The following PRUNE2 variants were observed in gnomAD, a reference collection of about 807,000 sequenced individuals.
The protein encoded by PRUNE2 is prune homolog 2 with BCH domain.
A neutral mutation model predicts 252.0 loss-of-function variants in PRUNE2; 164 were observed. The ratio of observed to expected loss-of-function variants is 0.65; its 90% CI spans 0.57 to 0.74. The LOEUF is 0.74. Ranked by LOEUF, PRUNE2 falls within the 30% of genes least tolerant of loss-of-function variation. PRUNE2 has a pLI of 0.00. For synonymous variants in PRUNE2, 1,292 were observed against 1,350.2 expected, an observed-to-expected ratio of 0.96 and a Z score of 0.94; for missense variants, 3,495 against 3,711.0, an observed-to-expected ratio of 0.94 and a Z score of 1.51.
intron 6 of PRUNE2, chr9:76,788,372 T>G (rs1379141981): frequency 1.2e-5 from 9 of 751,398 alleles, no homozygotes; most frequent in Non-Finnish European, 2.2e-5. Context: ...TTATATATAC[T>G]GGACATTAAA....
chr9:76,755,424 G>A (rs559022113), intron 6 of PRUNE2, among the ~76,000 whole-genome samples: 1 of 150,156 alleles, frequency 6.7e-6, no homozygotes, highest in Non-Finnish European at 1.5e-5. Flanking sequence ...TGAACACCAT[G>A]TGCCACTCTG....
At chr9:76,635,698 G>T (rs1839771606) in intron 15 of PRUNE2, among the ~76,000 whole-genome samples, 1 of 152,066 alleles carries the variant, frequency 6.6e-6, no homozygotes, top group African/African-American at 2.4e-5. Flanking sequence ...AAAGTTATCA[G>T]AATTTTTAAA....
intron 6 of PRUNE2, among the ~76,000 whole-genome samples, chr9:76,822,603 T>C (rs376499614): frequency 1.1e-4 from 17 of 151,856 alleles, no homozygotes; most frequent in African/African-American, 4.1e-4. Context: ...AGGTCAGGAG[T>C]TCAAGACCAG....
chr9:76,878,339 GA>G (rs1017032056), intron 1 of PRUNE2, among the ~76,000 whole-genome samples: 4 of 152,222 alleles, frequency 2.6e-5, no homozygotes, highest in African/African-American at 9.6e-5. Context: ...TCATGAGCAA[GA>G]AGGTGAACCA....
Position 76,710,149 on chromosome 9 carries a change from C to T in PRUNE2, c.2125G>A (p.Glu709Lys), listed in dbSNP as rs201962340. The change falls in exon 8 of 19, where the codon GAA (glutamate) becomes AAA (lysine). Residue 709 changes from glutamate to lysine, a missense_variant. By Grantham distance (56) the Glu-to-Lys change is moderately conservative (BLOSUM62 1). Transcript: ENST00000376718. ...SDSVFQPKSLEFTKSGPWESE... is the reference protein window; with the variant it reads ...SDSVFQPKSLKFTKSGPWESE... ...TCCCAGGGACCTGACTTTGTAAATTCGAGGCTCTTTGGTTGAAATACAGAA... is the reference window on the plus strand; with the variant it reads ...TCCCAGGGACCTGACTTTGTAAATTTGAGGCTCTTTGGTTGAAATACAGAA... 165 of 1,613,822 alleles carry T rather than the reference C, an allele frequency of 1.0e-4. No individual in the cohort carries two copies. In the African/African-American group the frequency reaches 1.7e-3, roughly 17 times the overall value.
At chr9:76,648,907 C>G (rs1243522504) in intron 11 of PRUNE2, among the ~76,000 whole-genome samples, 1 of 152,194 alleles carries the variant, frequency 6.6e-6, no homozygotes, top group Non-Finnish European at 1.5e-5. Context: ...AAATATACCA[C>G]ACAAAGACTT....
chr9:76,841,033 A>T (rs2059361260), intron 4 of PRUNE2, among the ~76,000 whole-genome samples: 1 of 151,848 alleles, frequency 6.6e-6, no homozygotes, highest in African/African-American at 2.4e-5. Context: ...ATCAAATAGG[A>T]ACAGCTCCGG....
At position 76,638,294 on chromosome 9, in the gene PRUNE2, G is replaced by A. The variant is rs771370437; in HGVS notation, c.8729-6C>T. ...TAGACCGTCCCCATAGTATCCTGGGGGACAAACAAAAAGACACTTGTAACC... is the reference window on the plus strand; with the variant it reads ...TAGACCGTCCCCATAGTATCCTGGGAGACAAACAAAAAGACACTTGTAACC... On this transcript the variant is annotated splice_polypyrimidine_tract_variant and splice_region_variant and intron_variant, in intron 12 of 18. Transcript: ENST00000376718. 3.7e-6 allele frequency: 6 copies of A among 1,604,228 alleles called. No individual in the cohort carries two copies. Among genetic ancestry groups the A allele is most frequent in the East Asian group, 2.2e-5 (1 of 44,776 alleles).
intron 15 of PRUNE2, among the ~76,000 whole-genome samples, chr9:76,633,416 C>T (rs1451129810): frequency 6.6e-6 from 1 of 150,984 alleles, no homozygotes; most frequent in Non-Finnish European, 1.5e-5. Flanking sequence ...CCTGTCTCTG[C>T]CAAAAATACA....
intron 6 of PRUNE2, among the ~76,000 whole-genome samples, chr9:76,730,973 T>C (rs981109254): frequency 6.6e-6 from 1 of 152,124 alleles, no homozygotes; most frequent in Non-Finnish European, 1.5e-5. Flanking sequence ...ATCTCTCTTT[T>C]GCAAAATGCG....
intron 4 of PRUNE2, among the ~76,000 whole-genome samples, chr9:76,845,720 T>C (rs564564271): frequency 6.6e-6 from 1 of 152,354 alleles, no homozygotes; most frequent in Non-Finnish European, 1.5e-5. Context: ...TTCACTTTCC[T>C]GTGTTAAATA....
intron 15 of PRUNE2, among the ~76,000 whole-genome samples, chr9:76,631,823 A>G (rs1280211965): frequency 6.6e-6 from 1 of 152,052 alleles, no homozygotes; most frequent in East Asian, 1.9e-4. Context: ...ACTGTCCTCC[A>G]CCCTCCACCC....
intron 16 of PRUNE2, 79 bp from the exon 17 acceptor site, chr9:76,624,569 C>T (rs1833859065): frequency 1.1e-5 from 12 of 1,049,604 alleles, no homozygotes; most frequent in East Asian, 5.8e-5. Context: ...CTCAGCAAAG[C>T]AGGGCCAAAT....
intron 6 of PRUNE2, among the ~76,000 whole-genome samples, chr9:76,760,840 C>A (rs567370900): frequency 6.6e-6 from 1 of 152,264 alleles, no homozygotes; most frequent in South Asian, 2.1e-4. Flanking sequence ...AATCCCAGCA[C>A]TTTGGGAGGT....
At chr9:76,620,235 G>T (rs1194453940) in intron 17 of PRUNE2, among the ~76,000 whole-genome samples, 1 of 151,288 alleles carries the variant, frequency 6.6e-6, no homozygotes, top group African/African-American at 2.4e-5. Flanking sequence ...TGCCTCTCAG[G>T]TTCAAGCGAT....
chr9:76,756,209 T>C (rs966071536), intron 6 of PRUNE2, among the ~76,000 whole-genome samples: 1 of 152,242 alleles, frequency 6.6e-6, no homozygotes, highest in African/African-American at 2.4e-5. Flanking sequence ...TAAGTGCATA[T>C]GTCAAAAGGA....
At chr9:76,763,485 T>C (rs895311171) in intron 6 of PRUNE2, among the ~76,000 whole-genome samples, 8 of 152,190 alleles carry the variant, frequency 5.3e-5, no homozygotes, top group Admixed American at 1.3e-4. Flanking sequence ...GGAGAAAACA[T>C]ACTCGTAATA....
At chr9:76,639,087 G>A (rs1017738078) in intron 12 of PRUNE2, among the ~76,000 whole-genome samples, 2 of 152,176 alleles carry the variant, frequency 1.3e-5, no homozygotes, top group African/African-American at 4.8e-5. Flanking sequence ...TGATTCTACA[G>A]TCCAGAGCTA....
At chr9:76,665,745 TCTTC>T (rs1435814869) in intron 9 of PRUNE2, among the ~76,000 whole-genome samples, 15 of 152,092 alleles carry the variant, frequency 9.9e-5, no homozygotes, top group African/African-American at 3.6e-4. Context: ...ATAAAAATTA[TCTTC>T]CAGGCCAGGC....
Sources: gnomAD v4.1 joint callset for allele counts (sites outside exome capture counted in the v4.1 genomes callset) on GRCh38, gnomAD v4.1.1 for gene constraint, MANE v1.5 for transcripts, NCBI Gene and HGNC (gene_info 2026-07-23, HGNC 2026-07-21) for gene names.